Variants in GRIK4 observed in about 807,000 individuals in gnomAD.
GRIK4 encodes the protein glutamate receptor ionotropic, kainate 4.
GRIK4 carries 40 observed loss-of-function variants against 104.9 expected under a neutral mutation model. That is an observed-to-expected ratio of 0.38 (90% CI 0.30 to 0.50). The LOEUF is 0.50. Among genes scored for constraint, GRIK4 ranks in the 20% least tolerant of loss-of-function variants. The pLI is 0.93. For synonymous variants in GRIK4, 485 were observed against 524.9 expected, an observed-to-expected ratio of 0.92 and a Z score of 1.04; for missense variants, 1,047 against 1,308.1, an observed-to-expected ratio of 0.80 and a Z score of 3.08.
At chr11:120,706,945 C>T (rs534751915) in intron 3 of GRIK4, among the ~76,000 whole-genome samples, 1 of 152,278 alleles carries the variant, frequency 6.6e-6, no homozygotes, top group South Asian at 2.1e-4. Context: ...GGTGCTGTGA[C>T]CTGATACCAT....
intron 3 of GRIK4, among the ~76,000 whole-genome samples, chr11:120,697,140 C>G (rs1242853068): frequency 6.6e-6 from 1 of 152,214 alleles, no homozygotes; most frequent in Non-Finnish European, 1.5e-5. Flanking sequence ...GCTGCTCCGC[C>G]CTGCCTGTGG....
At chr11:120,579,344 C>A (rs1948534614) in intron 1 of GRIK4, among the ~76,000 whole-genome samples, 1 of 152,088 alleles carries the variant, frequency 6.6e-6, no homozygotes, top group Non-Finnish European at 1.5e-5. Flanking sequence ...AGGAGCCAGC[C>A]ACACAGAGTT....
rs776916918 is a variant in GRIK4, at chr11:120,831,967, C to G, written c.627C>G (p.Asp209Glu). 1.2e-6 allele frequency: 2 copies of G among 1,613,892 alleles called. No homozygotes were observed. The highest frequency in any genetic ancestry group is 1.7e-6 in the Non-Finnish European group (2 of 1,179,920). Residue 209 changes from aspartate (D) to glutamate (E), a missense_variant, in exon 7 of 21, where the codon GAC (aspartate) becomes GAG (glutamate). Asp to Glu is a conservative substitution (Grantham distance 45, BLOSUM62 2). This residue lies in a region of GRIK4 where 447 missense variants were observed against 514.9 expected (regional missense o/e 0.87). Transcript: ENST00000527524. The part of the protein sequence containing the change: ...DPTPLLKEIR[D>E]DKTATIIIHA... Reference sequence around the variant, plus strand: ...CCCCGCTCCTCAAGGAGATCCGGGACGACAAGACCGCCACCATCATCATCC... The same window carrying G: ...CCCCGCTCCTCAAGGAGATCCGGGAGGACAAGACCGCCACCATCATCATCC...
chr11:120,835,360 T>G (rs532509082), intron 7 of GRIK4, among the ~76,000 whole-genome samples: 84 of 152,302 alleles, frequency 5.5e-4, no homozygotes, highest in African/African-American at 2.0e-3. Context: ...AAATCCCATC[T>G]CTACTAAAAA....
chr11:120,874,955 A>G lies in GRIK4; in HGVS notation c.1060-184A>G, dbSNP rs2135681456. 2.6e-5 allele frequency among the ~76,000 whole-genome samples: 4 copies of G among 152,278 alleles called. No individual in the cohort carries two copies. In the South Asian group the frequency reaches 8.3e-4, roughly 32 times the overall value. On this transcript the variant is annotated intron_variant, in intron 10 of 20. Transcript: ENST00000527524. ...CCTACTCCAGGCCAAGCCAAGTCTG[A>G]ATTGTCTCCACAGACATCACATTTG...
intron 1 of GRIK4, among the ~76,000 whole-genome samples, chr11:120,588,263 C>T (rs1382845813): frequency 1.3e-5 from 2 of 152,078 alleles, no homozygotes; most frequent in African/African-American, 2.4e-5. Flanking sequence ...GATCTATTTG[C>T]GGGAGGCTTC....
At chr11:120,561,739 T>A (rs751699639) in intron 1 of GRIK4, among the ~76,000 whole-genome samples, 12 of 152,096 alleles carry the variant, frequency 7.9e-5, no homozygotes, top group African/African-American at 1.4e-4. Context: ...CACCCCCACA[T>A]CTCCTCCCTC....
chr11:120,865,664 A>C (rs1440745790), intron 9 of GRIK4, among the ~76,000 whole-genome samples: 2 of 152,094 alleles, frequency 1.3e-5, no homozygotes, highest in South Asian at 4.2e-4. Context: ...ACACACACAA[A>C]CTCAGTGTTA....
intron 1 of GRIK4, among the ~76,000 whole-genome samples, chr11:120,632,826 G>A (rs866775970): frequency 6.6e-6 from 1 of 152,172 alleles, no homozygotes; most frequent in South Asian, 2.1e-4. Flanking sequence ...TGGGGAGACT[G>A]GAGTGTGCTT....
intron 3 of GRIK4, among the ~76,000 whole-genome samples, chr11:120,662,083 C>T (rs1949826488): frequency 6.6e-6 from 1 of 152,204 alleles, no homozygotes; most frequent in South Asian, 2.1e-4. Flanking sequence ...AGGGATTGAG[C>T]CAGAATCAGT....
intron 3 of GRIK4, among the ~76,000 whole-genome samples, chr11:120,683,031 A>G (rs986211627): frequency 5.9e-5 from 9 of 151,944 alleles, no homozygotes; most frequent in African/African-American, 1.7e-4. Flanking sequence ...CTTGTGTGTC[A>G]TCGTTCCTCA....
intron 3 of GRIK4, among the ~76,000 whole-genome samples, chr11:120,695,261 G>T (rs1347901648): frequency 6.6e-6 from 1 of 152,216 alleles, no homozygotes; most frequent in Non-Finnish European, 1.5e-5. Flanking sequence ...TAGGCTGAGG[G>T]CCTTCAGCCA....
At chr11:120,530,914 G>A (rs925963247) in intron 1 of GRIK4, among the ~76,000 whole-genome samples, 3 of 152,128 alleles carry the variant, frequency 2.0e-5, no homozygotes, top group Non-Finnish European at 2.9e-5. Context: ...GAGCATCATC[G>A]GCTGGAGAAA....
At chr11:120,569,795 A>G (rs912720417) in intron 1 of GRIK4, among the ~76,000 whole-genome samples, 42 of 151,786 alleles carry the variant, frequency 2.8e-4, no homozygotes, top group Admixed American at 1.2e-3. Flanking sequence ...GGTAGCCCCT[A>G]TGTGGTGGGT....
At chr11:120,966,369 A>G (rs889861501) in intron 18 of GRIK4, among the ~76,000 whole-genome samples, 2 of 152,068 alleles carry the variant, frequency 1.3e-5, no homozygotes, top group African/African-American at 2.4e-5. Flanking sequence ...CTAAGAAATT[A>G]ATTAATTTAT....
intron 1 of GRIK4, among the ~76,000 whole-genome samples, chr11:120,519,425 G>A (rs540921879): frequency 2.6e-5 from 4 of 152,214 alleles, no homozygotes; most frequent in East Asian, 1.9e-4. Flanking sequence ...CCCCCTCACC[G>A]CTCCCACCGT....
chr11:120,744,205 G>A (rs993050869), intron 3 of GRIK4, among the ~76,000 whole-genome samples: 5 of 152,112 alleles, frequency 3.3e-5, no homozygotes, highest in Non-Finnish European at 5.9e-5. Flanking sequence ...ACATTAATGA[G>A]GCTGTTGGGT....
intron 13 of GRIK4, among the ~76,000 whole-genome samples, chr11:120,919,918 G>A (rs933350966): frequency 6.6e-6 from 1 of 152,068 alleles, no homozygotes; most frequent in Non-Finnish European, 1.5e-5. Context: ...GCTTTAGACG[G>A]CAGAGATAAG....
intron 11 of GRIK4, among the ~76,000 whole-genome samples, chr11:120,883,243 C>T (rs891686040): frequency 3.3e-5 from 5 of 152,144 alleles, no homozygotes; most frequent in African/African-American, 1.2e-4. Context: ...AGCTCATAGC[C>T]AACAGGGACA....
Sources: allele counts gnomAD v4.1 joint callset (sites outside exome capture counted in the v4.1 genomes callset), GRCh38; gene constraint gnomAD v4.1.1; regional missense constraint gnomAD v4.1.1; transcripts MANE v1.5; gene names NCBI Gene and HGNC (gene_info 2026-07-23, HGNC 2026-07-21).